Variants in BAZ1A observed in about 807,000 individuals in gnomAD.
BAZ1A encodes the protein bromodomain adjacent to zinc finger domain protein 1A.
A neutral mutation model predicts 185.2 loss-of-function variants in BAZ1A; 50 were observed. The ratio of observed to expected loss-of-function variants is 0.27; its 90% CI spans 0.22 to 0.34. The LOEUF is 0.34. BAZ1A is among the 10% of genes least tolerant of loss of function. The probability of loss-of-function intolerance (pLI) is 1.00; values close to 1 mark genes in which losing one functional copy is unlikely to be tolerated. For missense variants in BAZ1A, 1,356 were observed against 1,839.9 expected (o/e 0.74, Z 4.81); for synonymous variants, 571 against 615.6 (o/e 0.93, Z 1.07).
intron 9 of BAZ1A, among the ~76,000 whole-genome samples, chr14:34,798,895 A>T (rs989388564): frequency 5.3e-5 from 8 of 152,192 alleles, no homozygotes; most frequent in Admixed American, 5.2e-4. Flanking sequence ...TATATACCCA[A>T]AGGATTATAA....
intron 24 of BAZ1A, among the ~76,000 whole-genome samples, chr14:34,759,588 T>C (rs780363164): frequency 1.3e-5 from 2 of 152,212 alleles, no homozygotes; most frequent in Non-Finnish European, 2.9e-5. Flanking sequence ...ATCTAGAAAC[T>C]AGGCTTACAT....
chr14:34,802,762 C>G, intron 7 of BAZ1A, 92 bp downstream of exon 7: 1 of 1,350,684 alleles, frequency 7.4e-7, no homozygotes, highest in Non-Finnish European at 1.0e-6. Flanking sequence ...TTCCTCTAGG[C>G]TATGGATGTG....
rs745538508 is a variant in BAZ1A at position 34,862,148 on chromosome 14, G to A, written c.288C>T (p.Thr96=). The change falls in exon 3 of 27, where the codon ACC becomes ACT. Residue 96 remains threonine (T), a synonymous_variant. Transcript: ENST00000360310. ...AAATTTCATGTAAGCGCGAACGATG[G>A]GTAAGGCTGGTCAAGTATAAAACTG... ...IIPVLYLTSL[T]HRSRLHEICD... The A allele has an allele frequency of 1.9e-6, 3 of 1,614,106 alleles. No homozygotes were observed. In the South Asian group the frequency reaches 3.3e-5, roughly 18 times the overall value.
chr14:34,782,420 T>C (rs1476665065), intron 16 of BAZ1A, among the ~76,000 whole-genome samples: 1 of 152,162 alleles, frequency 6.6e-6, no homozygotes, highest in Admixed American at 6.6e-5. Context: ...TTTTTAAGAT[T>C]TTTTTTCTTT....
intron 9 of BAZ1A, among the ~76,000 whole-genome samples, chr14:34,799,690 T>G (rs1594853211): frequency 6.6e-6 from 1 of 151,982 alleles, no homozygotes; most frequent in Non-Finnish European, 1.5e-5. Context: ...TGGCTCACTG[T>G]AACCTCCACC....
chr14:34,840,951 A>AAT (rs202232795), intron 3 of BAZ1A, among the ~76,000 whole-genome samples: 16 of 98,278 alleles, frequency 1.6e-4, no homozygotes, highest in South Asian at 8.2e-4. Flanking sequence ...CAACAAAATC[A>AAT]ATATTTTTTT....
chr14:34,835,706 CTT>C (rs2042317772), intron 3 of BAZ1A, among the ~76,000 whole-genome samples: 1 of 148,164 alleles, frequency 6.7e-6, no homozygotes, highest in Non-Finnish European at 1.5e-5. Flanking sequence ...GAGTTTCTCT[CTT>C]GTTGCCAGGC....
intron 11 of BAZ1A, among the ~76,000 whole-genome samples, chr14:34,793,575 A>T (rs1396510592): frequency 6.6e-6 from 1 of 151,926 alleles, no homozygotes; most frequent in African/African-American, 2.4e-5. Context: ...TTGCGAGGCC[A>T]AGGTGGGTGG....
At chr14:34,841,430 G>A (rs534378224) in intron 3 of BAZ1A, among the ~76,000 whole-genome samples, 4 of 151,982 alleles carry the variant, frequency 2.6e-5, no homozygotes, top group South Asian at 2.1e-4. Context: ...TCGCTTTGTC[G>A]CCCAGGCTGG....
chr14:34,783,945 A>T lies in BAZ1A; in HGVS notation c.1832-18T>A. Reference sequence around the variant, plus strand: ...TTTTTCTCCTGTCAAAAATTGGTAAATACTTCTGTATTATAAATCGCAGCA... The same window carrying T: ...TTTTTCTCCTGTCAAAAATTGGTAATTACTTCTGTATTATAAATCGCAGCA... On this transcript the variant is annotated intron_variant, in intron 14 of 26. Transcript: ENST00000360310. 6.4e-7 allele frequency: 1 copy of T among 1,567,114 alleles called. No homozygotes were observed. Among genetic ancestry groups the T allele is most frequent in the Non-Finnish European group, 8.6e-7 (1 of 1,161,182 alleles).
chr14:34,835,262 A>G (rs1056654567), intron 3 of BAZ1A, among the ~76,000 whole-genome samples: 1 of 151,852 alleles, frequency 6.6e-6, no homozygotes, highest in African/African-American at 2.4e-5. Flanking sequence ...GGGTTTCACT[A>G]TGTTGGCCAG....
At chr14:34,841,930 T>A (rs954499827) in intron 3 of BAZ1A, among the ~76,000 whole-genome samples, 1 of 152,176 alleles carries the variant, frequency 6.6e-6, no homozygotes, top group African/African-American at 2.4e-5. Context: ...CAAGACTCCA[T>A]CCTATCAAGT....
chr14:34,846,303 G>A (rs1034307508), intron 3 of BAZ1A, among the ~76,000 whole-genome samples: 5 of 152,110 alleles, frequency 3.3e-5, no homozygotes, highest in African/African-American at 1.2e-4. Context: ...AAGTCCTGGT[G>A]GAGACTCAGC....
chr14:34,858,754 T>A (rs986586818), intron 3 of BAZ1A, among the ~76,000 whole-genome samples: 1 of 151,932 alleles, frequency 6.6e-6, no homozygotes, highest in Non-Finnish European at 1.5e-5. Context: ...AAATAAATTT[T>A]AAAATAATAA....
rs1166765005 is a variant in BAZ1A, at chr14:34,875,326, C to T, written c.-247G>A. On this transcript the variant is annotated 5_prime_UTR_variant, in exon 1 of 27. Transcript: ENST00000360310. ...CGCCACTTCCCCGCCTCTCGGAGCT[C>T]CTGGGAAGTTTCTGATCTACTTTCG... 5 of 455,942 alleles carry T rather than the reference C, an allele frequency of 1.1e-5. No homozygotes were observed. The Admixed American group carries it at 1.2e-4, about 11-fold the overall frequency. 28.2% of individuals were successfully genotyped at this position (455,942 alleles called of 1,614,324 possible). A position where few individuals can be genotyped will look rare whatever the true frequency, so the allele number is the denominator to read the frequency against.
intron 19 of BAZ1A, 22 bp downstream of exon 19, chr14:34,774,299 CAAACTA>C (rs1274664999): frequency 6.3e-7 from 1 of 1,584,612 alleles, no homozygotes; most frequent in Non-Finnish European, 8.6e-7. Flanking sequence ...GTAGATTAGA[CAAACTA>C]AAAATGGGAA....
intron 3 of BAZ1A, among the ~76,000 whole-genome samples, chr14:34,854,528 T>A (rs2138798685): frequency 6.6e-6 from 1 of 152,154 alleles, no homozygotes; most frequent in African/African-American, 2.4e-5. Context: ...AAAAAAAAAT[T>A]AACTACCACA....
chr14:34,787,225 T>C (rs113732053), intron 12 of BAZ1A, among the ~76,000 whole-genome samples: 84,794 of 148,270 alleles, frequency 0.57, 24,463 homozygotes, highest in South Asian at 0.67. Context: ...TGGTGGCGCA[T>C]GCCTGTAGTC....
At chr14:34,777,472 C>T (rs939539420) in intron 17 of BAZ1A, among the ~76,000 whole-genome samples, 14 of 147,106 alleles carry the variant, frequency 9.5e-5, no homozygotes, top group African/African-American at 3.3e-4. Context: ...GGTGAAATCC[C>T]GTCTCCACTA....
Sources: allele counts gnomAD v4.1 joint callset (sites outside exome capture counted in the v4.1 genomes callset), GRCh38; gene constraint gnomAD v4.1.1; transcripts MANE v1.5; gene names NCBI Gene and HGNC (gene_info 2026-07-23, HGNC 2026-07-21).